Variants in CDYL observed in about 807,000 individuals in gnomAD.
The protein encoded by CDYL is chromodomain Y-like protein.
CDYL carries 8 observed loss-of-function variants against 47.3 expected under a neutral mutation model. The observed-to-expected ratio is 0.17, with a 90% CI of 0.10 to 0.31. The LOEUF (loss-of-function observed/expected upper bound fraction) is 0.31. CDYL is among the 10% of genes least tolerant of loss of function. CDYL has a pLI of 1.00. For missense variants in CDYL, 471 were observed against 701.4 expected, an observed-to-expected ratio of 0.67 and a Z score of 3.71; for synonymous variants, 266 against 265.0, an observed-to-expected ratio of 1.00 and a Z score of -0.04.
intron 2 of CDYL, among the ~76,000 whole-genome samples, chr6:4,897,376 A>G (rs1762314230): frequency 6.6e-6 from 1 of 152,244 alleles, no homozygotes. Context: ...CTTGCATTTC[A>G]TGAGCATTTC....
At chr6:4,916,565 A>G (rs917507229) in intron 2 of CDYL, among the ~76,000 whole-genome samples, 7 of 151,724 alleles carry the variant, frequency 4.6e-5, no homozygotes, top group African/African-American at 1.7e-4. Context: ...AATTAATTGA[A>G]AGGCCAACAG....
intron 1 of CDYL, among the ~76,000 whole-genome samples, chr6:4,880,326 T>G (rs1174947795): frequency 6.6e-6 from 1 of 152,206 alleles, no homozygotes; most frequent in Non-Finnish European, 1.5e-5. Context: ...AATAATATGT[T>G]TAAGGTTCCT....
intron 2 of CDYL, 55 bp downstream of exon 2, chr6:4,892,434 C>T: frequency 6.6e-7 from 1 of 1,517,240 alleles, no homozygotes; most frequent in South Asian, 1.3e-5. Flanking sequence ...GGCTCGGGTC[C>T]TTCTCTAGAG....
intron 1 of CDYL, among the ~76,000 whole-genome samples, chr6:4,860,816 T>A (rs9502244): frequency 6.6e-6 from 1 of 152,032 alleles, no homozygotes; most frequent in Admixed American, 6.6e-5. Flanking sequence ...GAGAAAGATG[T>A]AGGCTGGGAG....
intron 1 of CDYL, among the ~76,000 whole-genome samples, chr6:4,863,669 T>C (rs954964689): frequency 6.6e-6 from 1 of 152,216 alleles, no homozygotes; most frequent in Non-Finnish European, 1.5e-5. Context: ...TACAAGCATG[T>C]TTAATCAAGA....
intron 1 of CDYL, among the ~76,000 whole-genome samples, chr6:4,847,948 G>A (rs2127462039): frequency 6.6e-6 from 1 of 152,276 alleles, no homozygotes; most frequent in East Asian, 1.9e-4. Flanking sequence ...TTAGAAAAAA[G>A]ATGTGCGAAA....
At chr6:4,904,588 T>A (rs1438559033) in intron 2 of CDYL, among the ~76,000 whole-genome samples, 1 of 152,282 alleles carries the variant, frequency 6.6e-6, no homozygotes, top group Non-Finnish European at 1.5e-5. Flanking sequence ...ACATCTGGTC[T>A]GTCCTCCCTA....
At chr6:4,784,926 CACCATGTAACG>C (rs1406244650) in intron 1 of CDYL, among the ~76,000 whole-genome samples, 5,870 of 152,210 alleles carry the variant, frequency 0.039, 384 homozygotes, top group African/African-American at 0.13. Flanking sequence ...TCTTGCCTGC[CACCATGTAACG>C]TGTGACCTTG....
chr6:4,726,164 G>A lies in CDYL; in HGVS notation c.104-8598G>A, dbSNP rs192032693. Among the ~76,000 whole-genome samples the A allele has an allele frequency of 2.0e-5, 3 of 152,214 alleles. No individual in the cohort carries two copies. The East Asian group carries it at 5.8e-4, about 29-fold the overall frequency. On this transcript the variant is annotated intron_variant, in intron 2 of 8. Coordinates refer to the CDYL transcript ENST00000328908. ...ACGGTGGCTCATGTCTGTAATCCCA[G>A]CACTTTGGCGTACACAGGCAGATAA...
intron 1 of CDYL, among the ~76,000 whole-genome samples, chr6:4,881,225 G>T (rs916238891): frequency 2.0e-5 from 3 of 151,596 alleles, no homozygotes; most frequent in Admixed American, 6.6e-5. Context: ...TCTTTTTTTG[G>T]TTTTTGTTCC....
chr6:4,815,672 ACTTTTTTTTTTTTTTTTTTTTAC>A (rs1759651718), intron 1 of CDYL, among the ~76,000 whole-genome samples: 1 of 119,630 alleles, frequency 8.4e-6, no homozygotes, highest in East Asian at 2.3e-4. Context: ...GTGAGATTTC[ACTTTTTTTTTTTTTTTTTTTTAC>A]CTTTTTTTTT....
intron 1 of CDYL, 41 bp from the exon 2 acceptor site, chr6:4,891,672 T>A (rs1762045954): frequency 1.1e-5 from 16 of 1,511,156 alleles, no homozygotes; most frequent in Non-Finnish European, 1.4e-5. Flanking sequence ...TCCCCCCAAA[T>A]TTTGATTTTT....
intron 2 of CDYL, among the ~76,000 whole-genome samples, chr6:4,900,462 A>G (rs911009421): frequency 8.6e-5 from 13 of 151,978 alleles, no homozygotes; most frequent in Non-Finnish European, 1.5e-4. Flanking sequence ...ACACATATGC[A>G]TATACATTTT....
chr6:4,759,213 C>T (rs1359511623), intron 3 of CDYL, among the ~76,000 whole-genome samples: 3 of 152,224 alleles, frequency 2.0e-5, no homozygotes, highest in South Asian at 2.1e-4. Context: ...TTGTGATCCA[C>T]GCGCCTCAGC....
intron 2 of CDYL, among the ~76,000 whole-genome samples, chr6:4,919,202 A>G (rs571943116): frequency 7.2e-5 from 11 of 152,180 alleles, no homozygotes; most frequent in African/African-American, 2.6e-4. Context: ...ACAGAACCAG[A>G]GGCACAAGCT....
chr6:4,797,923 T>C (rs1759121475), intron 1 of CDYL, among the ~76,000 whole-genome samples: 1 of 149,622 alleles, frequency 6.7e-6, no homozygotes, highest in South Asian at 2.1e-4. Flanking sequence ...ATTTTCTGTG[T>C]TGTTGTTGTT....
At chr6:4,802,538 CAAA>C (rs201339464) in intron 1 of CDYL, among the ~76,000 whole-genome samples, 2 of 151,202 alleles carry the variant, frequency 1.3e-5, no homozygotes, top group Non-Finnish European at 3.0e-5. Context: ...GACCCTACCT[CAAA>C]AAAACAAAAA....
intron 1 of CDYL, among the ~76,000 whole-genome samples, chr6:4,787,087 G>A (rs1758774174): frequency 6.6e-6 from 1 of 152,176 alleles, no homozygotes; most frequent in Non-Finnish European, 1.5e-5. Flanking sequence ...TACACCCCAG[G>A]CACGTGAGGT....
intron 2 of CDYL, among the ~76,000 whole-genome samples, chr6:4,724,218 T>C (rs928023194): frequency 6.6e-6 from 1 of 151,914 alleles, no homozygotes; most frequent in Non-Finnish European, 1.5e-5. Flanking sequence ...TTTTTGTATT[T>C]TTTTTTTTTA....
Sources: allele counts gnomAD v4.1 joint callset (sites outside exome capture counted in the v4.1 genomes callset), GRCh38; gene constraint gnomAD v4.1.1; transcripts MANE v1.5; gene names NCBI Gene and HGNC (gene_info 2026-07-23, HGNC 2026-07-21).